TMPRSS9: variants seen among roughly 807,000 people sequenced by gnomAD.
TMPRSS9 encodes transmembrane protease serine 9.
TMPRSS9 carries 113 observed loss-of-function variants against 111.4 expected under a neutral mutation model. The observed-to-expected ratio is 1.01, with a 90% CI of 0.87 to 1.19. TMPRSS9 has a LOEUF of 1.19. Among genes scored for constraint, TMPRSS9 ranks in the 50% most tolerant of loss-of-function variants. The pLI is 0.00. For synonymous variants in TMPRSS9, 805 were observed against 659.1 expected, an observed-to-expected ratio of 1.22 and a Z score of -3.39; for missense variants, 1,803 against 1,513.1, an observed-to-expected ratio of 1.19 and a Z score of -3.18.
upstream of TMPRSS9, among the ~76,000 whole-genome samples, chr19:2,389,076 C>CT (rs1197842508): frequency 0.04 from 5,563 of 139,738 alleles, 340 homozygotes; most frequent in African/African-American, 0.12. Flanking sequence ...CACGTTCCAC[C>CT]TTTTTTTTTT....
In TMPRSS9 at chr19:2,422,261, C is replaced by T. The variant is rs765653018; in HGVS notation, c.2548+14C>T. The T allele has an allele frequency of 2.4e-5, 36 of 1,495,692 alleles. No homozygotes were observed. The highest frequency in any genetic ancestry group is 1.8e-4 in the Admixed American group (8 of 43,644). The allele number at this position is 1,495,692 out of a possible 1,614,324, so 92.7% of individuals were successfully genotyped here. ...CCCAGCTACCAGGTACCGGGAGAGACGGAGGGATCCCTGGGAGTGGAGGGT... is the reference window on the plus strand; with the variant it reads ...CCCAGCTACCAGGTACCGGGAGAGATGGAGGGATCCCTGGGAGTGGAGGGT... On this transcript the variant is annotated intron_variant, in intron 14 of 17. Coordinates refer to ENST00000648592, the Ensembl canonical transcript of TMPRSS9.
intron 1 of TMPRSS9, among the ~76,000 whole-genome samples, chr19:2,368,774 GT>G (rs762761358): frequency 0.016 from 1,091 of 70,366 alleles, 50 homozygotes; most frequent in African/African-American, 0.058. Flanking sequence ...GATAAACCCA[GT>G]TTTTTTTTTT....
Position 2,415,858 on chromosome 19 carries a change from C to A in TMPRSS9, c.1745+17C>A. The A allele has an allele frequency of 6.4e-7, 1 of 1,557,832 alleles. No homozygotes were observed. Among genetic ancestry groups the A allele is most frequent in the East Asian group, 2.3e-5 (1 of 42,862 alleles). On this transcript the variant is annotated intron_variant, in intron 11 of 17. Transcript: ENST00000648592. ...CTTCAACCAGTAAGGCCCGCCTCCT[C>A]CAGGAAGGCTGCCCGGCTTCCCCTC...
chr19:2,392,581 G>A (rs1970620309), intron 1 of TMPRSS9, among the ~76,000 whole-genome samples: 1 of 152,168 alleles, frequency 6.6e-6, no homozygotes, highest in African/African-American at 2.4e-5. Flanking sequence ...GGCGAAGCCA[G>A]CTGGGCTCCT....
At chr19:2,369,604 T>A (rs1286514333) in intron 1 of TMPRSS9, among the ~76,000 whole-genome samples, 1 of 149,036 alleles carries the variant, frequency 6.7e-6, no homozygotes, top group Non-Finnish European at 1.5e-5. Flanking sequence ...GTAATTTTTT[T>A]TTTTTTTTTT....
In TMPRSS9 at chr19:2,396,046, T is replaced by C. The variant is rs1203886206; in HGVS notation, c.143-493T>C. On this transcript the variant is annotated intron_variant, in intron 1 of 17. Coordinates refer to ENST00000648592, the Ensembl canonical transcript of TMPRSS9. The stretch of plus-strand genomic sequence containing the variant: ...CAAACCAACCAGTGGTTTTTGAAGA[T>C]GACCTCATGGGACTGTGGCCGGAGA... 2.0e-5 allele frequency: 3 copies of C among 152,988 alleles called. No homozygotes were observed. In the East Asian group the frequency reaches 5.8e-4, roughly 29 times the overall value. 9.5% of individuals were successfully genotyped at this position (152,988 alleles called of 1,614,324 possible). A position where few individuals can be genotyped will look rare whatever the true frequency, so the allele number is the denominator to read the frequency against.
Position 2,392,465 on chromosome 19 carries a change from G to C in TMPRSS9, c.142+2538G>C, listed in dbSNP as rs530067720. 6.6e-5 allele frequency among the ~76,000 whole-genome samples: 10 copies of C among 152,300 alleles called. No individual in the cohort carries two copies. The South Asian group carries it at 2.1e-3, about 32-fold the overall frequency. ...CTCACGCCAGTAATCCCAGCTCTCT[G>C]GGACGCTGAAACGGGAGGATTGCTT... On this transcript the variant is annotated intron_variant, in intron 1 of 17. Transcript: ENST00000648592.
chr19:2,379,647 T>A (rs947924646), intron 1 of TMPRSS9, among the ~76,000 whole-genome samples: 1 of 149,242 alleles, frequency 6.7e-6, no homozygotes, highest in African/African-American at 2.5e-5. Flanking sequence ...CTTTCTTTCT[T>A]TCTTTCTTTC....
intron 1 of TMPRSS9, among the ~76,000 whole-genome samples, chr19:2,384,575 G>A (rs893603367): frequency 5.9e-5 from 9 of 152,068 alleles, no homozygotes; most frequent in African/African-American, 1.9e-4. Flanking sequence ...CAGCACTTTG[G>A]GAGGCCAAGG....
chr19:2,378,532 A>G (rs895266737), intron 1 of TMPRSS9, among the ~76,000 whole-genome samples: 8 of 152,160 alleles, frequency 5.3e-5, no homozygotes, highest in Admixed American at 1.3e-4. Flanking sequence ...AGCCTGGCCA[A>G]TATGGTGAAA....
chr19:2,395,735 T>C (rs565012867), intron 1 of TMPRSS9, among the ~76,000 whole-genome samples: 127 of 150,830 alleles, frequency 8.4e-4, no homozygotes, highest in Non-Finnish European at 1.2e-3. Context: ...AGGCCGGGTG[T>C]GGTGGCTCAC....
At chr19:2,408,395 G>A (rs191345457) in exon 8 of TMPRSS9, 36 of 1,613,784 alleles carry the variant, frequency 2.2e-5, no homozygotes, top group South Asian at 8.8e-5. Context: ...ACGTGGGTGC[G>A]ACCTACCTCA....
At chr19:2,424,018 C>A in intron 14 of TMPRSS9, 71 bp from the exon 16 acceptor site, 5 of 1,239,726 alleles carry the variant, frequency 4.0e-6, no homozygotes, top group East Asian at 6.3e-5. Context: ...CGTGGAGAGG[C>A]GGCGCCCAGG....
intron 1 of TMPRSS9, among the ~76,000 whole-genome samples, chr19:2,381,730 G>A (rs992377294): frequency 1.3e-5 from 2 of 152,172 alleles, no homozygotes; most frequent in Non-Finnish European, 2.9e-5. Context: ...GTTCCCCTGA[G>A]GAGGGAACAT....
At chr19:2,363,711 A>G (rs930311673) in intron 1 of TMPRSS9, among the ~76,000 whole-genome samples, 1 of 150,502 alleles carries the variant, frequency 6.6e-6, no homozygotes, top group Admixed American at 6.6e-5. Context: ...GCTGGGGAGC[A>G]GGGTTCTCGG....
chr19:2,400,527 G>A (rs1970812040), intron 4 of TMPRSS9, among the ~76,000 whole-genome samples: 1 of 150,504 alleles, frequency 6.6e-6, no homozygotes, highest in East Asian at 2.0e-4. Context: ...GGGTGACAGA[G>A]TGAGACTCCA....
chr19:2,371,739 G>A (rs1456917598), intron 1 of TMPRSS9, among the ~76,000 whole-genome samples: 1 of 151,418 alleles, frequency 6.6e-6, no homozygotes, highest in Admixed American at 6.6e-5. Context: ...AACTAGAATA[G>A]CCTTGAGCAA....
intron 1 of TMPRSS9, among the ~76,000 whole-genome samples, chr19:2,371,286 G>T (rs1195001668): frequency 6.6e-6 from 1 of 152,174 alleles, no homozygotes; most frequent in Non-Finnish European, 1.5e-5. Flanking sequence ...TGCTAACAAA[G>T]TCCTTGCCTA....
intron 1 of TMPRSS9, among the ~76,000 whole-genome samples, chr19:2,368,020 T>TA (rs1970261180): frequency 1.3e-5 from 2 of 152,208 alleles, no homozygotes; most frequent in Non-Finnish European, 2.9e-5. Context: ...TTTATCCACT[T>TA]ACTTTTATTA....
Sources: allele counts gnomAD v4.1 joint callset (sites outside exome capture counted in the v4.1 genomes callset), GRCh38; gene constraint gnomAD v4.1.1; transcripts MANE v1.5; gene names NCBI Gene and HGNC (gene_info 2026-07-23, HGNC 2026-07-21).